SMCHD1: variants seen among roughly 807,000 people sequenced by gnomAD.
The protein encoded by SMCHD1 is structural maintenance of chromosomes flexible hinge domain containing 1.
In SMCHD1, 78 loss-of-function variants were observed where a neutral mutation model predicts 254.7. The observed-to-expected ratio is 0.31, with a 90% CI of 0.26 to 0.37. The LOEUF (loss-of-function observed/expected upper bound fraction) is 0.37. Among genes scored for constraint, SMCHD1 ranks in the 10% least tolerant of loss-of-function variants. The pLI is 1.00. For missense variants in SMCHD1, 1,840 were observed against 2,408.1 expected (o/e 0.76, Z 4.94); for synonymous variants, 766 against 794.9 (o/e 0.96, Z 0.61).
Position 2,674,104 on chromosome 18 carries a change from G to A in SMCHD1, c.597G>A (p.Val199=), listed in dbSNP as rs1022699144. The A allele has an allele frequency of 5.0e-6, 8 of 1,602,132 alleles. No individual in the cohort carries two copies. The African/African-American group carries it at 6.7e-5, about 13-fold the overall frequency. The change falls in exon 5 of 48, where the codon GTG becomes GTA. Residue 199 remains valine, a synonymous_variant. Transcript: ENST00000320876. The part of the protein sequence containing the change: ...MTSKQLNNWA[V]YRLSKFTRQG... The stretch of plus-strand genomic sequence containing the variant: ...CTAAACAGCTTAACAACTGGGCCGT[G>A]TATAGGTTGTCAAAATTCACAAGGC...
intron 37 of SMCHD1, among the ~76,000 whole-genome samples, chr18:2,769,060 G>A (rs970477051): frequency 4.6e-5 from 7 of 152,112 alleles, no homozygotes; most frequent in Middle Eastern, 3.4e-3. Context: ...AGCTACTATC[G>A]TTTCCCTTAG....
intron 1 of SMCHD1, among the ~76,000 whole-genome samples, chr18:2,662,124 A>G (rs2073284090): frequency 1.4e-5 from 2 of 141,036 alleles, no homozygotes; most frequent in Non-Finnish European, 3.0e-5. Context: ...GCGCCACTGC[A>G]GTCCGCAGTC....
intron 34 of SMCHD1, among the ~76,000 whole-genome samples, chr18:2,758,768 CCTT>C (rs1016936726): frequency 3.2e-4 from 49 of 152,140 alleles, no homozygotes; most frequent in African/African-American, 1.2e-3. Context: ...TATTTTCCCT[CCTT>C]TGGTTATTTT....
chr18:2,704,179 G>A (rs1000078086), intron 13 of SMCHD1, among the ~76,000 whole-genome samples: 3 of 151,906 alleles, frequency 2.0e-5, no homozygotes, highest in African/African-American at 7.3e-5. Flanking sequence ...GCAAATATTG[G>A]CTCCTCAGGA....
At chr18:2,785,220 C>T (rs1354743325) in intron 45 of SMCHD1, among the ~76,000 whole-genome samples, 1 of 152,138 alleles carries the variant, frequency 6.6e-6, no homozygotes, top group East Asian at 1.9e-4. Context: ...TAGCTTAGAG[C>T]CTATTTGCTC....
intron 5 of SMCHD1, among the ~76,000 whole-genome samples, chr18:2,688,118 T>C (rs762831166): frequency 5.9e-5 from 9 of 152,232 alleles, no homozygotes; most frequent in Non-Finnish European, 1.2e-4. Context: ...AAAATACTTA[T>C]TTAGTCCTGT....
Position 2,673,312 on chromosome 18 carries a change from A to G in SMCHD1, c.456A>G (p.Ser152=). The change falls in exon 4 of 48, where the codon TCA becomes TCG. Residue 152 remains serine (S), a synonymous_variant. Coordinates refer to ENST00000320876, the MANE Select transcript of SMCHD1 (RefSeq NM_015295.3). The stretch of plus-strand genomic sequence containing the variant: ...CTCTTGCGGAATTAATTGACAATTC[A>G]TTGTCTGCTACTTCTCGTAACATTG... ...PFALAELIDN[S]LSATSRNIGV... The G allele has an allele frequency of 1.9e-6, 3 of 1,587,738 alleles. No individual in the cohort carries two copies. Among genetic ancestry groups the G allele is most frequent in the Non-Finnish European group, 2.6e-6 (3 of 1,161,522 alleles).
At chr18:2,708,388 G>C (rs2074570395) in intron 17 of SMCHD1, among the ~76,000 whole-genome samples, 1 of 152,010 alleles carries the variant, frequency 6.6e-6, no homozygotes, top group Non-Finnish European at 1.5e-5. Context: ...TCTCAGCTGG[G>C]CTTGGTGGCA....
chr18:2,661,882 C>T (rs573594808), intron 1 of SMCHD1, among the ~76,000 whole-genome samples: 16 of 152,104 alleles, frequency 1.1e-4, no homozygotes, highest in African/African-American at 3.6e-4. Flanking sequence ...AAAGGCCGGG[C>T]GCGGTGGCTC....
chr18:2,774,699 C>G (rs2076037638), intron 41 of SMCHD1, among the ~76,000 whole-genome samples: 1 of 152,122 alleles, frequency 6.6e-6, no homozygotes, highest in Non-Finnish European at 1.5e-5. Flanking sequence ...TCTTGGGTCA[C>G]CATGTCCAGC....
rs2075334212 is a variant in SMCHD1 at position 2,740,740 on chromosome 18, A to G, written c.3552A>G (p.Gln1184=). ...CAGATCAGTACGGAAATCAGATTCAAGCATTTTCACCAAGTTCTTTATCTT... is the reference window on the plus strand; with the variant it reads ...CAGATCAGTACGGAAATCAGATTCAGGCATTTTCACCAAGTTCTTTATCTT... The part of the protein sequence containing the change: ...IITDQYGNQI[Q]AFSPSSLSSL... The change falls in exon 28 of 48, where the codon CAA becomes CAG. Residue 1184 remains glutamine, a synonymous_variant. Coordinates refer to ENST00000320876, the MANE Select transcript of SMCHD1 (RefSeq NM_015295.3). 1 of 1,611,466 alleles carries G rather than the reference A, an allele frequency of 6.2e-7. No homozygotes were observed. The highest frequency in any genetic ancestry group is 8.5e-7 in the Non-Finnish European group (1 of 1,178,390).
chr18:2,780,478 A>T (rs976162317), intron 44 of SMCHD1, among the ~76,000 whole-genome samples: 1 of 152,166 alleles, frequency 6.6e-6, no homozygotes, highest in Non-Finnish European at 1.5e-5. Context: ...CCGAATTATG[A>T]AATAGAAACA....
intron 28 of SMCHD1, among the ~76,000 whole-genome samples, chr18:2,741,969 A>G (rs912809343): frequency 2.6e-5 from 4 of 152,190 alleles, no homozygotes; most frequent in African/African-American, 9.6e-5. Context: ...TCCATTTTAT[A>G]GTAAAACTCC....
At position 2,794,541 on chromosome 18, in the gene SMCHD1, T is replaced by C. The variant is rs186865940; in HGVS notation, c.5720-1408T>C. Among the ~76,000 whole-genome samples the C allele has an allele frequency of 3.1e-3, 473 of 152,338 alleles. 2 individuals carry two copies. Among genetic ancestry groups the C allele is most frequent in the Middle Eastern group, 6.8e-3 (2 of 294 alleles). On this transcript the variant is annotated intron_variant, in intron 45 of 47. Coordinates refer to ENST00000320876, the MANE Select transcript of SMCHD1 (RefSeq NM_015295.3). Reference sequence around the variant, plus strand: ...AACAAAAAACTGAATAAACCATTCTTGGCCAATGAGTGGTAGTGTACTAAC... The same window carrying C: ...AACAAAAAACTGAATAAACCATTCTCGGCCAATGAGTGGTAGTGTACTAAC...
At chr18:2,778,320 G>A (rs1042814400) in intron 44 of SMCHD1, 81 bp downstream of exon 44, 13 of 989,376 alleles carry the variant, frequency 1.3e-5, no homozygotes, top group South Asian at 3.3e-5. Flanking sequence ...ATATACAAAC[G>A]ACTAGCCTTT....
rs1051039528 is a variant in SMCHD1 at position 2,764,407 on chromosome 18, T to C, written c.4719+618T>C. ...CTTTTCTTGTTCAACATCTCTAATA[T>C]ATTCTTAGTAAAAGTAAGCCTACAT... On this transcript the variant is annotated intron_variant, in intron 37 of 47. Transcript: ENST00000320876. 8.5e-5 allele frequency among the ~76,000 whole-genome samples: 13 copies of C among 152,160 alleles called. 1 individual carries two copies. The highest frequency in any genetic ancestry group is 6.5e-5 in the Admixed American group (1 of 15,276).
chr18:2,786,466 C>T (rs953446584), intron 45 of SMCHD1, among the ~76,000 whole-genome samples: 11 of 152,054 alleles, frequency 7.2e-5, no homozygotes, highest in East Asian at 1.9e-4. Flanking sequence ...GCAAGGCAGG[C>T]GGATCACCTG....
In SMCHD1 at chr18:2,694,580, TATC is replaced by T; in HGVS notation, c.930_932del (p.Ile311del). On this transcript the variant is annotated inframe_deletion, in exon 8 of 48. Transcript: ENST00000320876. ...ATGATGAAAGATTTCTACATCATCT[TATC>T]ATAGAGGAGAAGGAAAAAGATAGCT... The T allele has an allele frequency of 1.2e-6, 2 of 1,609,266 alleles. No individual in the cohort carries two copies. Among genetic ancestry groups the T allele is most frequent in the Non-Finnish European group, 1.7e-6 (2 of 1,176,816 alleles).
At chr18:2,729,447 T>C in intron 24 of SMCHD1, 38 bp downstream of exon 24, 1 of 1,407,968 alleles carries the variant, frequency 7.1e-7, no homozygotes, top group Non-Finnish European at 9.3e-7. Flanking sequence ...TTATATTGAG[T>C]CTTCATACAA....
Sources: gnomAD v4.1 joint callset for allele counts (sites outside exome capture counted in the v4.1 genomes callset) on GRCh38, gnomAD v4.1.1 for gene constraint, MANE v1.5 for transcripts, NCBI Gene and HGNC (gene_info 2026-07-23, HGNC 2026-07-21) for gene names.